Variants in RPS6KB1 observed in about 807,000 individuals in gnomAD.
RPS6KB1 encodes ribosomal protein S6 kinase B1, also known as ribosomal protein S6 kinase beta-1.
RPS6KB1 carries 12 observed loss-of-function variants against 70.2 expected under a neutral mutation model. The observed-to-expected ratio is 0.17, with a 90% CI of 0.11 to 0.28. The LOEUF is 0.28. Among genes scored for constraint, RPS6KB1 ranks in the 10% least tolerant of loss-of-function variants. The probability of loss-of-function intolerance (pLI) is 1.00; values close to 1 mark genes in which losing one functional copy is unlikely to be tolerated. For synonymous variants in RPS6KB1, 175 were observed against 211.2 expected (o/e 0.83, Z 1.49); for missense variants, 270 against 646.6 (o/e 0.42, Z 6.32).
At chr17:59,918,015 C>A (rs1409247525) in intron 4 of RPS6KB1, among the ~76,000 whole-genome samples, 1 of 152,096 alleles carries the variant, frequency 6.6e-6, no homozygotes, top group Non-Finnish European at 1.5e-5. Context: ...CTCACCGCAA[C>A]CTCCGCCTCC....
Position 59,947,739 on chromosome 17 carries a change from C to A in RPS6KB1, c.*951C>A. ...TTTGGTTCAAGACACCAAATGTCTT[C>A]AGCCCATGGCTGAAGAACAACAGAA... On this transcript the variant is annotated 3_prime_UTR_variant, in exon 15 of 15. Transcript: ENST00000225577. 2 of 610,338 alleles carry A rather than the reference C, an allele frequency of 3.3e-6. No homozygotes were observed. Among genetic ancestry groups the A allele is most frequent in the South Asian group, 2.1e-5 (1 of 48,598 alleles). The allele number at this position is 610,338 out of a possible 1,614,324, so 37.8% of individuals were successfully genotyped here. A position where few individuals can be genotyped will look rare whatever the true frequency, so the allele number is the denominator to read the frequency against.
At chr17:59,925,781 C>T (rs1335314910) in intron 4 of RPS6KB1, among the ~76,000 whole-genome samples, 1 of 151,972 alleles carries the variant, frequency 6.6e-6, no homozygotes, top group Non-Finnish European at 1.5e-5. Flanking sequence ...CTTTTTTTTA[C>T]CTTCTACATT....
At chr17:59,902,342 T>A (rs1322759458) in intron 1 of RPS6KB1, among the ~76,000 whole-genome samples, 1 of 151,994 alleles carries the variant, frequency 6.6e-6, no homozygotes, top group Non-Finnish European at 1.5e-5. Context: ...TGACCTCAAG[T>A]GATCCGCCTG....
At chr17:59,916,359 C>A (rs937340032) in intron 4 of RPS6KB1, among the ~76,000 whole-genome samples, 1 of 152,206 alleles carries the variant, frequency 6.6e-6, no homozygotes, top group Non-Finnish European at 1.5e-5. Flanking sequence ...CTTGACCTCC[C>A]AAAGTGTTGG....
intron 13 of RPS6KB1, among the ~76,000 whole-genome samples, chr17:59,944,635 A>G (rs560205671): frequency 1.8e-4 from 27 of 152,218 alleles, no homozygotes; most frequent in African/African-American, 6.0e-4. Context: ...GTAAAACCAG[A>G]AAGATCACAA....
chr17:59,945,869 A>G (rs2044894724), intron 14 of RPS6KB1, among the ~76,000 whole-genome samples: 1 of 152,240 alleles, frequency 6.6e-6, no homozygotes, highest in African/African-American at 2.4e-5. Context: ...GATGAAGCTT[A>G]CAATTTAGTG....
chr17:59,897,489 G>A (rs1012199713), intron 1 of RPS6KB1, among the ~76,000 whole-genome samples: 1 of 151,980 alleles, frequency 6.6e-6, no homozygotes, highest in Non-Finnish European at 1.5e-5. Flanking sequence ...GTATCATAGT[G>A]TGTATTTTTT....
chr17:59,931,400 C>G (rs2043916196), intron 6 of RPS6KB1: 10 of 490,346 alleles, frequency 2.0e-5, no homozygotes, highest in Middle Eastern at 5.6e-4. Flanking sequence ...ATTCTAATGG[C>G]AAAATAAAGC....
In RPS6KB1 at chr17:59,936,643, CA is replaced by C. The variant is rs1334399968; in HGVS notation, c.1119+104del. ...GGAGGATTGTTTGAGGCCAGGAGTT[CA>C]AGACCAGCATGGGCAACATAACAAG... On this transcript the variant is annotated intron_variant, in intron 12 of 14. Transcript: ENST00000225577. 4.4e-6 allele frequency: 4 copies of C among 907,218 alleles called. No individual in the cohort carries two copies. The African/African-American group carries it at 6.6e-5, about 15-fold the overall frequency. 56.2% of individuals were successfully genotyped at this position (907,218 alleles called of 1,614,324 possible).
At position 59,946,690 on chromosome 17, in the gene RPS6KB1, G is replaced by A. The variant is rs1410557496; in HGVS notation, c.1480G>A (p.Ala494Thr). 6.2e-7 allele frequency: 1 copy of A among 1,614,010 alleles called. No individual in the cohort carries two copies. The highest frequency in any genetic ancestry group is 1.3e-5 in the African/African-American group (1 of 74,910). Residue 494 changes from alanine to threonine, a missense_variant, in exon 15 of 15, where the codon GCA becomes ACA. Physicochemically the swap from Ala to Thr is moderately conservative, Grantham distance 58. Coordinates refer to ENST00000225577, the MANE Select transcript of RPS6KB1 (RefSeq NM_003161.4). The surrounding 1 kb of genome is among the most constrained non-coding windows in gnomAD (Gnocchi z 4.2). ...MDVTMSGEAS[A>T]PLPIRQPNSG... Reference sequence around the variant, plus strand: ...TGTGACAATGAGTGGGGAAGCATCGGCACCACTTCCAATACGACAGCCGAA... The same window carrying A: ...TGTGACAATGAGTGGGGAAGCATCGACACCACTTCCAATACGACAGCCGAA...
intron 5 of RPS6KB1, 57 bp from the exon 6 acceptor site, chr17:59,930,060 A>G: frequency 1.1e-6 from 1 of 897,310 alleles, no homozygotes; most frequent in Admixed American, 1.7e-5. Context: ...CTCTCATTAG[A>G]AGTGGGTTGG....
chr17:59,910,656 AG>A (rs1259012177), intron 2 of RPS6KB1, 45 bp downstream of exon 2: 1 of 1,282,482 alleles, frequency 7.8e-7, no homozygotes, highest in Admixed American at 1.9e-5. Context: ...CTTTCTTACA[AG>A]TAGGTTTTAT....
At chr17:59,941,008 A>C in intron 13 of RPS6KB1, 65 bp downstream of exon 13, 1 of 1,034,160 alleles carries the variant, frequency 9.7e-7, no homozygotes, top group East Asian at 2.4e-5. Flanking sequence ...CTTCAAAGAA[A>C]ATTCAGTTTG....
rs1385187855 is a variant in RPS6KB1 at position 59,902,539 on chromosome 17, A to C, written c.142-8023A>C. On this transcript the variant is annotated intron_variant, in intron 1 of 14. Transcript: ENST00000225577. ...TGATGTTCATTTGAGTTATTCATTC[A>C]GATGTTCAACTGAATTGTGAATAAA... 2.0e-5 allele frequency among the ~76,000 whole-genome samples: 3 copies of C among 150,468 alleles called. No homozygotes were observed. The South Asian group carries it at 6.3e-4, about 32-fold the overall frequency.
At position 59,920,821 on chromosome 17, in the gene RPS6KB1, C is replaced by T. The variant is rs1241676916; in HGVS notation, c.382-5614C>T. 3.9e-5 allele frequency among the ~76,000 whole-genome samples: 6 copies of T among 152,186 alleles called. No homozygotes were observed. The East Asian group carries it at 1.2e-3, about 29-fold the overall frequency. On this transcript the variant is annotated intron_variant, in intron 4 of 14. Coordinates refer to ENST00000225577, the MANE Select transcript of RPS6KB1 (RefSeq NM_003161.4). ...TCCAGTGATTCTAGGGCCTCAGCCT[C>T]CCAAATAGCTGGGACTACAGGTGTG...
At chr17:59,896,276 C>T (rs2041558476) in intron 1 of RPS6KB1, among the ~76,000 whole-genome samples, 1 of 152,020 alleles carries the variant, frequency 6.6e-6, no homozygotes, top group Non-Finnish European at 1.5e-5. Context: ...TCACTGCAGC[C>T]TCCACTTCCC....
At chr17:59,943,763 G>T (rs531605657) in intron 13 of RPS6KB1, among the ~76,000 whole-genome samples, 9 of 151,282 alleles carry the variant, frequency 5.9e-5, no homozygotes, top group Admixed American at 1.3e-4. Flanking sequence ...CCAGCTACTC[G>T]GGAGGCTGAG....
intron 1 of RPS6KB1, among the ~76,000 whole-genome samples, chr17:59,896,051 A>G (rs893257278): frequency 6.6e-6 from 1 of 152,224 alleles, no homozygotes; most frequent in Non-Finnish European, 1.5e-5. Context: ...TATTTATACC[A>G]TATACCATAC....
rs999765802 is a variant in RPS6KB1, at chr17:59,908,908, G to A, written c.142-1654G>A. Among the ~76,000 whole-genome samples the A allele has an allele frequency of 2.5e-4, 35 of 138,538 alleles. 1 individual carries two copies. The highest frequency in any genetic ancestry group is 3.1e-5 in the Non-Finnish European group (2 of 65,468). 90.9% of individuals were successfully genotyped at this position (138,538 alleles called of 152,430 possible). A position where few individuals can be genotyped will look rare whatever the true frequency, so the allele number is the denominator to read the frequency against. On this transcript the variant is annotated intron_variant, in intron 1 of 14. Transcript: ENST00000225577. ...GCTGGGATTACAAGCGTGAGCCACC[G>A]CGCCCGGCCAAATTTTTTTTTTTTT...
Sources: gnomAD v4.1 joint callset for allele counts (sites outside exome capture counted in the v4.1 genomes callset) on GRCh38, gnomAD v4.1.1 for gene constraint, Gnocchi (gnomAD v3.1) non-coding constraint, MANE v1.5 for transcripts, NCBI Gene and HGNC (gene_info 2026-07-23, HGNC 2026-07-21) for gene names.